The following ITGA9 variants were observed in gnomAD, a reference collection of about 807,000 sequenced individuals.
ITGA9 encodes integrin alpha-9.
In ITGA9, 56 loss-of-function variants were observed where a neutral mutation model predicts 127.8. That is an observed-to-expected ratio of 0.44 (90% CI 0.35 to 0.55). The LOEUF is 0.55. ITGA9 is among the 20% of genes least tolerant of loss of function. ITGA9 has a pLI of 0.00. For missense variants in ITGA9, 1,196 were observed against 1,347.1 expected, an observed-to-expected ratio of 0.89 and a Z score of 1.76; for synonymous variants, 508 against 514.5, an observed-to-expected ratio of 0.99 and a Z score of 0.17.
At chr3:37,748,450 C>A in intron 22 of ITGA9, 1 of 588,506 alleles carries the variant, frequency 1.7e-6, no homozygotes, top group South Asian at 1.5e-5. Context: ...GGAAAATGAT[C>A]AGAAAAAGAA....
chr3:37,796,268 A>G (rs2125559195), intron 26 of ITGA9, among the ~76,000 whole-genome samples: 1 of 152,096 alleles, frequency 6.6e-6, no homozygotes, highest in East Asian at 1.9e-4. Flanking sequence ...CCATGCCTCT[A>G]TCATGAGGAT....
At chr3:37,749,816 GC>G (rs1299295976) in intron 22 of ITGA9, 1 of 154,364 alleles carries the variant, frequency 6.5e-6, no homozygotes, top group Non-Finnish European at 1.4e-5. Context: ...AGTAAAAACA[GC>G]CCTTTCTGTA....
intron 1 of ITGA9, among the ~76,000 whole-genome samples, chr3:37,453,130 C>G (rs1226387388): frequency 1.4e-5 from 2 of 140,410 alleles, no homozygotes; most frequent in Non-Finnish European, 3.1e-5. Context: ...CCCCCCCCCC[C>G]AGCTCCTACA....
intron 18 of ITGA9, among the ~76,000 whole-genome samples, chr3:37,705,848 T>C (rs1396549834): frequency 1.3e-5 from 2 of 152,210 alleles, no homozygotes; most frequent in African/African-American, 4.8e-5. Context: ...CTTTCTAGTA[T>C]AAAAAACTTC....
chr3:37,678,903 C>A (rs1466836684), intron 17 of ITGA9, among the ~76,000 whole-genome samples: 1 of 152,176 alleles, frequency 6.6e-6, no homozygotes, highest in East Asian at 1.9e-4. Context: ...CTTGACACAG[C>A]TGCCAAGATG....
intron 23 of ITGA9, among the ~76,000 whole-genome samples, chr3:37,766,865 G>A (rs1471378872): frequency 1.3e-5 from 2 of 152,174 alleles, no homozygotes; most frequent in Non-Finnish European, 2.9e-5. Context: ...GAATCTGACG[G>A]CATCTGGAAA....
Position 37,629,477 on chromosome 3 carries a change from T to C in ITGA9, c.1839+141T>C. On this transcript the variant is annotated intron_variant, in intron 16 of 27. Coordinates refer to ENST00000264741, the MANE Select transcript of ITGA9 (RefSeq NM_002207.3). This position sits in a 1 kb window ranked among gnomAD's most constrained non-coding sequence, Gnocchi z 4.5. ...ACACACCTCCTCTCTGGGTCTCCCT[T>C]TTCTGATCTGCAAAATGATAAAATA... 1 of 847,530 alleles carries C rather than the reference T, an allele frequency of 1.2e-6. No individual in the cohort carries two copies. The highest frequency in any genetic ancestry group is 1.9e-6 in the Non-Finnish European group (1 of 518,504). 52.5% of individuals were successfully genotyped at this position (847,530 alleles called of 1,614,324 possible). A position where few individuals can be genotyped will look rare whatever the true frequency, so the allele number is the denominator to read the frequency against.
At chr3:37,779,173 C>T (rs577886062) in intron 24 of ITGA9, among the ~76,000 whole-genome samples, 3 of 152,214 alleles carry the variant, frequency 2.0e-5, no homozygotes, top group African/African-American at 2.4e-5. Context: ...GGCATGATCT[C>T]GGCTCACTGC....
intron 15 of ITGA9, among the ~76,000 whole-genome samples, chr3:37,559,581 A>C (rs1385034388): frequency 6.6e-6 from 1 of 152,198 alleles, no homozygotes; most frequent in Admixed American, 6.5e-5. Context: ...TTTGTTTAAT[A>C]ACAAAGAGCT....
At chr3:37,798,916 A>C (rs1243143301) in intron 26 of ITGA9, among the ~76,000 whole-genome samples, 2 of 152,186 alleles carry the variant, frequency 1.3e-5, no homozygotes. Flanking sequence ...AACTTTTTGA[A>C]AATTATGCTT....
At chr3:37,581,514 A>G (rs1699709583) in intron 15 of ITGA9, among the ~76,000 whole-genome samples, 1 of 152,180 alleles carries the variant, frequency 6.6e-6, no homozygotes, top group Non-Finnish European at 1.5e-5. Flanking sequence ...TTCTTAGGCC[A>G]TGTTGGATGC....
Position 37,821,922 on chromosome 3 carries a change from T to C in ITGA9, c.*2933T>C, listed in dbSNP as rs953433120. ...TGATCGTGCTGAGTAGCAGGTGGGC[T>C]ACGGGGACTGGGGAGTTAAGCATTT... On this transcript the variant is annotated 3_prime_UTR_variant, in exon 28 of 28. Transcript: ENST00000264741. The C allele has an allele frequency of 6.6e-6, 1 of 152,068 alleles. No homozygotes were observed. Among genetic ancestry groups the C allele is most frequent in the Non-Finnish European group, 1.5e-5 (1 of 68,036 alleles). The allele number at this position is 152,068 out of a possible 1,614,324, so 9.4% of individuals were successfully genotyped here. A position where few individuals can be genotyped will look rare whatever the true frequency, so the allele number is the denominator to read the frequency against.
intron 14 of ITGA9, among the ~76,000 whole-genome samples, chr3:37,538,328 C>T (rs1258645519): frequency 2.0e-5 from 3 of 152,216 alleles, no homozygotes; most frequent in African/African-American, 4.8e-5. Context: ...GGCCCAGGCC[C>T]GTGCAGGGGG....
chr3:37,678,174 T>C (rs2364643), intron 17 of ITGA9, among the ~76,000 whole-genome samples: 29,463 of 152,212 alleles, frequency 0.19, 3,553 homozygotes, highest in Admixed American at 0.29. Context: ...TTTCAGTTCA[T>C]TGGGTAATAA....
chr3:37,765,956 C>G (rs188956528), intron 23 of ITGA9, among the ~76,000 whole-genome samples: 1 of 152,200 alleles, frequency 6.6e-6, no homozygotes, highest in Non-Finnish European at 1.5e-5. Flanking sequence ...TGCGTAGGTG[C>G]CTGGTGTTTT....
intron 22 of ITGA9, chr3:37,748,667 G>A (rs762861615): frequency 5.7e-6 from 3 of 521,858 alleles, no homozygotes; most frequent in Admixed American, 3.2e-5. Flanking sequence ...AGAATTGTTC[G>A]AATCCAGGAG....
intron 17 of ITGA9, among the ~76,000 whole-genome samples, chr3:37,678,229 AT>A (rs1183293905): frequency 6.6e-6 from 1 of 152,136 alleles, no homozygotes; most frequent in East Asian, 1.9e-4. Context: ...TCTATGTTTA[AT>A]TATTTTGAGA....
At chr3:37,750,269 T>G (rs530430393) in intron 22 of ITGA9, among the ~76,000 whole-genome samples, 193 bp from the exon 23 acceptor site, 2 of 152,382 alleles carry the variant, frequency 1.3e-5, no homozygotes, top group South Asian at 4.1e-4. Context: ...AGATGCATGT[T>G]AGAAGTGTTT....
chr3:37,549,321 G>A (rs984419418), intron 15 of ITGA9, among the ~76,000 whole-genome samples: 3 of 152,202 alleles, frequency 2.0e-5, no homozygotes, highest in African/African-American at 7.2e-5. Context: ...GATTAGCAAA[G>A]GAAGGCACAA....
Sources: allele counts gnomAD v4.1 joint callset (sites outside exome capture counted in the v4.1 genomes callset), GRCh38; gene constraint gnomAD v4.1.1; non-coding constraint Gnocchi (gnomAD v3.1); transcripts MANE v1.5; gene names NCBI Gene and HGNC (gene_info 2026-07-23, HGNC 2026-07-21).